GLIS3: variants seen among roughly 807,000 people sequenced by gnomAD.
GLIS3 encodes the protein zinc finger protein GLIS3.
GLIS3 carries 53 observed loss-of-function variants against 78.6 expected under a neutral mutation model. The observed-to-expected ratio is 0.67, with a 90% CI of 0.54 to 0.85. The LOEUF is 0.85. Ranked by LOEUF, GLIS3 falls within the 40% of genes least tolerant of loss-of-function variation. The probability of loss-of-function intolerance (pLI) is 0.00; values close to 1 mark genes in which losing one functional copy is unlikely to be tolerated. For missense variants in GLIS3, 1,703 were observed against 1,231.1 expected (o/e 1.38, Z -5.74); for synonymous variants, 684 against 509.9 (o/e 1.34, Z -4.60).
chr9:4,472,897 A>G, the GLIS3 span, among the ~76,000 whole-genome samples: 4 of 152,192 alleles, frequency 2.6e-5, no homozygotes, highest in Non-Finnish European at 4.4e-5. Context: ...AAAATCAACT[A>G]TATTTCTAGA....
intron 4 of GLIS3, among the ~76,000 whole-genome samples, chr9:4,051,771 G>C (rs971567536): frequency 2.6e-5 from 4 of 152,162 alleles, no homozygotes; most frequent in Non-Finnish European, 5.9e-5. Context: ...ATGTCAGATG[G>C]ATGACACACC....
At chr9:4,090,443 G>A (rs542593466) in intron 4 of GLIS3, among the ~76,000 whole-genome samples, 1 of 150,432 alleles carries the variant, frequency 6.6e-6, no homozygotes, top group Admixed American at 6.6e-5. Flanking sequence ...CCTTCTTTGG[G>A]ACTTAAAGTT....
rs563724683 is a variant in GLIS3 at position 4,016,801 on chromosome 9, G to C, written c.1711-79612C>G. On this transcript the variant is annotated intron_variant, in intron 4 of 10. Transcript: ENST00000381971. The stretch of plus-strand genomic sequence containing the variant: ...TGTCAGGTTTTCTCAGCTCTTTTAG[G>C]ACTCCATTGTTGGGCAAAGCCACTA... Among the ~76,000 whole-genome samples, 19 of 152,230 alleles carry C rather than the reference G, an allele frequency of 1.2e-4. No homozygotes were observed. In the South Asian group the frequency reaches 3.1e-3, roughly 25 times the overall value.
intron 2 of GLIS3, among the ~76,000 whole-genome samples, chr9:4,257,056 T>A (rs1374026143): frequency 6.6e-6 from 1 of 152,076 alleles, no homozygotes; most frequent in Non-Finnish European, 1.5e-5. Flanking sequence ...TATTATGTAT[T>A]ATGTGTACAT....
chr9:3,981,378 A>G (rs1819268073), intron 4 of GLIS3, among the ~76,000 whole-genome samples: 1 of 152,226 alleles, frequency 6.6e-6, no homozygotes, highest in Non-Finnish European at 1.5e-5. Flanking sequence ...GCCTGACTCT[A>G]GCTTCCAAGG....
chr9:3,967,588 C>T (rs1157005139), intron 4 of GLIS3, among the ~76,000 whole-genome samples: 1 of 152,120 alleles, frequency 6.6e-6, no homozygotes, highest in African/African-American at 2.4e-5. Context: ...TAATGTGTTA[C>T]AGGGGCAGCA....
the GLIS3 span, among the ~76,000 whole-genome samples, chr9:4,486,069 G>C: frequency 6.6e-6 from 1 of 152,048 alleles, no homozygotes; most frequent in South Asian, 2.1e-4. Flanking sequence ...CAAAATGTTT[G>C]TATATATTGA....
intron 2 of GLIS3, among the ~76,000 whole-genome samples, chr9:4,156,578 G>A (rs1835055407): frequency 6.6e-6 from 1 of 152,154 alleles, no homozygotes; most frequent in Non-Finnish European, 1.5e-5. Context: ...GTGAATTCAG[G>A]TCTAAATTTT....
At chr9:4,392,460 T>C in the GLIS3 span, among the ~76,000 whole-genome samples, 46 of 152,166 alleles carry the variant, frequency 3.0e-4, no homozygotes, top group African/African-American at 8.4e-4. Flanking sequence ...AGGGATGCAC[T>C]AGTCTAGGTA....
intron 7 of GLIS3, 97 bp from the exon 8 acceptor site, chr9:3,879,692 G>T: frequency 7.5e-7 from 1 of 1,339,864 alleles, no homozygotes; most frequent in South Asian, 1.3e-5. Context: ...TGAGGGGCTT[G>T]CTTGTTTTTC....
chr9:4,195,870 C>G lies in GLIS3; in HGVS notation c.389-69929G>C, dbSNP rs147927466. Reference sequence around the variant, plus strand: ...CTGTGTCTAGCTAATCTAGTGAGGACGTGGAGAACTTTTATGTCTAGCTAG... The same window carrying G: ...CTGTGTCTAGCTAATCTAGTGAGGAGGTGGAGAACTTTTATGTCTAGCTAG... On this transcript the variant is annotated intron_variant, in intron 2 of 10. Transcript: ENST00000381971. 7.9e-4 allele frequency among the ~76,000 whole-genome samples: 121 copies of G among 152,324 alleles called. 2 individuals carry two copies. The East Asian group carries it at 0.02, about 25-fold the overall frequency.
rs141358436 is a variant in GLIS3 at position 4,019,059 on chromosome 9, T to C, written c.1711-81870A>G. Among the ~76,000 whole-genome samples, 1,442 of 152,266 alleles carry C rather than the reference T, an allele frequency of 9.5e-3. 25 individuals carry two copies. Among genetic ancestry groups the C allele is most frequent in the African/African-American group, 0.033 (1,383 of 41,540 alleles). On this transcript the variant is annotated intron_variant, in intron 4 of 10. Coordinates refer to ENST00000381971, the MANE Select transcript of GLIS3 (RefSeq NM_001042413.2). ...GACGTGAGTCAAGCACCTGGCACAG[T>C]GTCATTAAGCAGGAAGTTGATGAAC... is the stretch of plus-strand genomic sequence containing the variant.
intron 4 of GLIS3, among the ~76,000 whole-genome samples, chr9:3,950,715 T>C (rs2130841834): frequency 6.6e-6 from 1 of 152,362 alleles, no homozygotes; most frequent in South Asian, 2.1e-4. Context: ...GTGAGTCCGC[T>C]AGGACAGGAA....
intron 2 of GLIS3, chr9:4,145,018 T>G (rs1310669806): frequency 1.3e-5 from 2 of 152,234 alleles, no homozygotes; most frequent in Non-Finnish European, 2.9e-5. Context: ...CTGCAGAATT[T>G]TCTTCCCATA....
intron 2 of GLIS3, among the ~76,000 whole-genome samples, chr9:4,224,207 G>T (rs1821568362): frequency 6.6e-6 from 1 of 152,066 alleles, no homozygotes; most frequent in South Asian, 2.1e-4. Flanking sequence ...AACTCCTATA[G>T]GGCTCAGTTT....
the GLIS3 span, among the ~76,000 whole-genome samples, chr9:4,423,599 G>C: frequency 6.6e-6 from 1 of 152,006 alleles, no homozygotes; most frequent in Non-Finnish European, 1.5e-5. Context: ...CTCGTATAAG[G>C]GATTTATTTT....
chr9:4,468,080 G>A, the GLIS3 span, among the ~76,000 whole-genome samples: 1 of 152,070 alleles, frequency 6.6e-6, no homozygotes, highest in African/African-American at 2.4e-5. Flanking sequence ...GAGAAGAGAA[G>A]TTTAGAGAAA....
chr9:3,856,290 C>A, intron 8 of GLIS3, 106 bp from the exon 9 acceptor site: 1 of 999,702 alleles, frequency 1.0e-6, no homozygotes. Context: ...TATACAAGAG[C>A]GTGACAACAA....
the GLIS3 span, among the ~76,000 whole-genome samples, chr9:4,460,125 G>C: frequency 6.6e-6 from 1 of 152,098 alleles, no homozygotes; most frequent in Non-Finnish European, 1.5e-5. Context: ...CATGAGGAAA[G>C]GCAATTTGGT....
Sources: gnomAD v4.1 joint callset for allele counts (sites outside exome capture counted in the v4.1 genomes callset) on GRCh38, gnomAD v4.1.1 for gene constraint, MANE v1.5 for transcripts, NCBI Gene and HGNC (gene_info 2026-07-23, HGNC 2026-07-21) for gene names.